The following PCED1A variants were observed in gnomAD, a reference collection of about 807,000 sequenced individuals.
The protein encoded by PCED1A is PC-esterase domain containing 1A.
In PCED1A, 20 loss-of-function variants were observed where a neutral mutation model predicts 41.9. The observed-to-expected ratio is 0.48, with a 90% CI of 0.34 to 0.69. PCED1A has a LOEUF of 0.69. PCED1A is among the 30% of genes least tolerant of loss of function. PCED1A has a pLI of 0.01. For missense variants in PCED1A, 498 were observed against 602.1 expected (o/e 0.83, Z 1.81); for synonymous variants, 236 against 241.3 (o/e 0.98, Z 0.20).
intron 7 of PCED1A, 21 bp downstream of exon 7, chr20:2,836,018 G>A: frequency 2.0e-6 from 3 of 1,469,276 alleles, no homozygotes; most frequent in Admixed American, 2.6e-5. Context: ...AAGAGGGTGG[G>A]GGAGCTGCAG....
Position 2,835,535 on chromosome 20 carries a change from T to C in PCED1A, c.1292A>G (p.His431Arg). ...MGGPCRQRLR[H>R]SERLIHTYKL... is the part of the protein sequence containing the mutation. The stretch of plus-strand genomic sequence containing the variant: ...GTATGTGTGGATCAGTCTCTCTGAG[T>C]GTCTGAGCCGCTGCCTGCAGGGCCC... The change falls in exon 8 of 8, where the codon CAC becomes CGC. Residue 431 changes from histidine (H) to arginine (R), a missense_variant. Transcript: ENST00000360652. 1 of 1,614,022 alleles carries C rather than the reference T, an allele frequency of 6.2e-7. No homozygotes were observed. Among genetic ancestry groups the C allele is most frequent in the Non-Finnish European group, 8.5e-7 (1 of 1,179,964 alleles).
upstream of PCED1A, chr20:2,840,729 A>G: frequency 1.9e-6 from 3 of 1,544,126 alleles, no homozygotes; most frequent in Non-Finnish European, 2.6e-6. Flanking sequence ...AGCCCGCTCT[A>G]GGTGGGTGTC....
At position 2,839,084 on chromosome 20, in the gene PCED1A, T is replaced by TTGGGGGCCCC; in HGVS notation, c.205-3_205-2insGGGGCCCCCA. The TTGGGGGCCCC allele has an allele frequency of 2.8e-6, 2 of 725,284 alleles. No homozygotes were observed. The highest frequency in any genetic ancestry group is 3.8e-6 in the Non-Finnish European group (2 of 522,252). 44.9% of individuals were successfully genotyped at this position (725,284 alleles called of 1,614,324 possible). A position where few individuals can be genotyped will look rare whatever the true frequency, so the allele number is the denominator to read the frequency against. On this transcript the variant is annotated splice_region_variant and splice_polypyrimidine_tract_variant and intron_variant, in intron 3 of 7. Coordinates refer to ENST00000360652, the MANE Select transcript of PCED1A (RefSeq NM_022760.6). ...GTCCTGTTCAAAGCTCAGCTCCCCC[T>TTGGGGGCCCC]ACCCACCCCCCCCACCCTACTGGTC...
At position 2,840,103 on chromosome 20, in the gene PCED1A, C is replaced by T. The variant is rs992911611; in HGVS notation, c.-22+108G>A. The T allele has an allele frequency of 1.5e-5, 9 of 615,704 alleles. No homozygotes were observed. In the Admixed American group the frequency reaches 2.3e-4, roughly 16 times the overall value. The allele number at this position is 615,704 out of a possible 1,614,324, so 38.1% of individuals were successfully genotyped here. ...GTACCAGAGGCAGGGGGTCGTCCAG[C>T]CAGCAGGCCTCCAGGGCACTGGGGA... On this transcript the variant is annotated intron_variant, in intron 1 of 7. Transcript: ENST00000360652.
At chr20:2,840,920 G>T, upstream of PCED1A, 3 of 1,271,392 alleles carry the variant, frequency 2.4e-6, no homozygotes, top group African/African-American at 1.5e-5. Context: ...GTCACTACTG[G>T]CGCTGGGGTC....
At chr20:2,837,152 A>C (rs1198631238) in intron 6 of PCED1A, among the ~76,000 whole-genome samples, 1 of 152,230 alleles carries the variant, frequency 6.6e-6, no homozygotes, top group African/African-American at 2.4e-5. Flanking sequence ...AACTAGCCTT[A>C]CAACCTTCAG....
At position 2,835,707 on chromosome 20, in the gene PCED1A, A is replaced by G. The variant is rs1167926161; in HGVS notation, c.1120T>C (p.Cys374Arg). The change falls in exon 8 of 8, where the codon TGT becomes CGT. Residue 374 changes from cysteine to arginine, a missense_variant and splice_region_variant. Coordinates refer to ENST00000360652, the MANE Select transcript of PCED1A (RefSeq NM_022760.6). ...EDFSMPPHLG[C>R]GPGVNFVPGP... The stretch of plus-strand genomic sequence containing the variant: ...GGCACAAAGTTCACTCCAGGGCCAC[A>G]TCCTACAAAAGAACCAGTCATTATA... 1 of 1,545,236 alleles carries G rather than the reference A, an allele frequency of 6.5e-7. No individual in the cohort carries two copies. The highest frequency in any genetic ancestry group is 1.9e-5 in the Admixed American group (1 of 52,394).
In PCED1A at chr20:2,840,627, G is replaced by A. The variant is rs1263847071; in HGVS notation, c.-438C>T. The A allele has an allele frequency of 2.4e-6, 2 of 849,776 alleles. No homozygotes were observed. The highest frequency in any genetic ancestry group is 3.1e-5 in the South Asian group (2 of 64,696). 52.6% of individuals were successfully genotyped at this position (849,776 alleles called of 1,614,324 possible). A position where few individuals can be genotyped will look rare whatever the true frequency, so the allele number is the denominator to read the frequency against. On this transcript the variant is annotated 5_prime_UTR_variant, in exon 1 of 8. Coordinates refer to ENST00000360652, the MANE Select transcript of PCED1A (RefSeq NM_022760.6). ...CAGGTACGGGCTGGGGTCTCGGGGC[G>A]GCAGCCAAGTGAGGCTGCCCACAGT... is the stretch of plus-strand genomic sequence containing the variant.
intron 6 of PCED1A, among the ~76,000 whole-genome samples, chr20:2,837,809 C>CA (rs1229810453): frequency 1.3e-5 from 2 of 152,176 alleles, no homozygotes; most frequent in Non-Finnish European, 2.9e-5. Context: ...CCCTGTTCCA[C>CA]ACCCTGCCAG....
chr20:2,840,864 AC>A, upstream of PCED1A: 1 of 1,251,312 alleles, frequency 8.0e-7, no homozygotes, highest in Non-Finnish European at 1.1e-6. Context: ...GGCCTGGCTT[AC>A]CCTGCTCGCC....
rs755283617 is a variant in PCED1A at position 2,840,438 on chromosome 20, C to T, written c.-249G>A. 4 of 413,094 alleles carry T rather than the reference C, an allele frequency of 9.7e-6. No individual in the cohort carries two copies. Among genetic ancestry groups the T allele is most frequent in the Non-Finnish European group, 1.7e-5 (4 of 229,360 alleles). 25.6% of individuals were successfully genotyped at this position (413,094 alleles called of 1,614,324 possible). A position where few individuals can be genotyped will look rare whatever the true frequency, so the allele number is the denominator to read the frequency against. The stretch of plus-strand genomic sequence containing the variant: ...AGCGTCGCTGTGGCCCCGACGGCGC[C>T]TCAGGCCTCGGCGCCTCGGGCTGCG... On this transcript the variant is annotated 5_prime_UTR_variant, in exon 1 of 8. Coordinates refer to ENST00000360652, the MANE Select transcript of PCED1A (RefSeq NM_022760.6).
Position 2,838,247 on chromosome 20 carries a change from G to A in PCED1A, c.826C>T (p.Arg276Cys), listed in dbSNP as rs199975004. The change falls in exon 6 of 8, where the codon CGT becomes TGT. Residue 276 changes from arginine to cysteine, a missense_variant. This residue lies in a region of PCED1A where 253 missense variants were observed against 369.7 expected (regional missense o/e 0.68). Transcript: ENST00000360652. The surrounding 1 kb of genome is among the most constrained non-coding windows in gnomAD (Gnocchi z 5.8). Reference protein sequence around the residue: ...ADAWGVELPKRGYPPDPWIED... With the variant: ...ADAWGVELPKCGYPPDPWIED... ...TAGGGCTCACCAGGGGGATAGCCAC[G>A]CTTGGGCAGCTCCACGCCCCAGGCG... 2.0e-4 allele frequency: 320 copies of A among 1,614,056 alleles called. No individual in the cohort carries two copies. Among genetic ancestry groups the A allele is most frequent in the Admixed American group, 2.2e-4 (13 of 60,006 alleles).
upstream of PCED1A, chr20:2,840,762 G>A (rs1461706450): frequency 2.6e-6 from 4 of 1,548,052 alleles, no homozygotes; most frequent in Middle Eastern, 4.5e-4. Flanking sequence ...CCCAGCTGCC[G>A]TCTGCACCAG....
chr20:2,840,149 CT>C, intron 1 of PCED1A, 61 bp downstream of exon 1: 1 of 418,920 alleles, frequency 2.4e-6, no homozygotes, highest in Non-Finnish European at 4.2e-6. Flanking sequence ...CGGCGCCGCC[CT>C]GCGCCTCGCC....
At position 2,840,373 on chromosome 20, in the gene PCED1A, G is replaced by A. The variant is rs556984960; in HGVS notation, c.-184C>T. 4 of 298,758 alleles carry A rather than the reference G, an allele frequency of 1.3e-5. No individual in the cohort carries two copies. Among genetic ancestry groups the A allele is most frequent in the Admixed American group, 1.0e-4 (2 of 19,148 alleles). The allele number at this position is 298,758 out of a possible 1,614,324, so 18.5% of individuals were successfully genotyped here. A position where few individuals can be genotyped will look rare whatever the true frequency, so the allele number is the denominator to read the frequency against. ...CCGCAGAGACCGTGGGTCCAGGTTA[G>A]CCGTCGGTGCACAGCCCAGCGCCCA... On this transcript the variant is annotated 5_prime_UTR_variant, in exon 1 of 8. Coordinates refer to ENST00000360652, the MANE Select transcript of PCED1A (RefSeq NM_022760.6).
chr20:2,835,370 C>T lies in PCED1A; in HGVS notation c.*92G>A. On this transcript the variant is annotated 3_prime_UTR_variant, in exon 8 of 8. Coordinates refer to ENST00000360652, the MANE Select transcript of PCED1A (RefSeq NM_022760.6). ...GTGACAGCAATGGACAAGAACAATA[C>T]CAGGCATAGCAGACACCCTAGCCCA... 1 of 1,451,538 alleles carries T rather than the reference C, an allele frequency of 6.9e-7. No individual in the cohort carries two copies. The highest frequency in any genetic ancestry group is 1.4e-5 in the South Asian group (1 of 69,506). 89.9% of individuals were successfully genotyped at this position (1,451,538 alleles called of 1,614,324 possible). A position where few individuals can be genotyped will look rare whatever the true frequency, so the allele number is the denominator to read the frequency against.
In PCED1A at chr20:2,840,260, C is replaced by A. The variant is rs1208478123; in HGVS notation, c.-71G>T. ...CACCCGCGACCCGGGTATGCCTGCG[C>A]ACCGCGCGCCTGGCCCGCAGCGGGC... On this transcript the variant is annotated 5_prime_UTR_variant, in exon 1 of 8. Transcript: ENST00000360652. The A allele has an allele frequency of 2.4e-5, 6 of 249,100 alleles. No homozygotes were observed. In the South Asian group the frequency reaches 2.9e-4, roughly 12 times the overall value. 15.4% of individuals were successfully genotyped at this position (249,100 alleles called of 1,614,324 possible).
At position 2,838,683 on chromosome 20, in the gene PCED1A, G is replaced by A; in HGVS notation, c.507C>T (p.Asp169=). The change falls in exon 5 of 8, where the codon GAC becomes GAT. Residue 169 remains aspartate, a synonymous_variant. Transcript: ENST00000360652. The surrounding 1 kb of genome is among the most constrained non-coding windows in gnomAD (Gnocchi z 5.8). ...ENLERVFVRM[D]QVLPDSCLLV... is the part of the protein sequence containing the mutation. ...GCAGGCAGGAGTCTGGCAATACTTG[G>A]TCCATGCGCACAAACACCCGCTCCA... The A allele has an allele frequency of 1.9e-6, 3 of 1,614,202 alleles. No individual in the cohort carries two copies. The highest frequency in any genetic ancestry group is 2.5e-6 in the Non-Finnish European group (3 of 1,180,028).
intron 6 of PCED1A, among the ~76,000 whole-genome samples, chr20:2,837,285 G>A (rs1462694437): frequency 6.6e-6 from 1 of 152,186 alleles, no homozygotes; most frequent in Non-Finnish European, 1.5e-5. Context: ...TTACAGGTCT[G>A]TCTCTATGAT....
Sources: gnomAD v4.1 joint callset for allele counts (sites outside exome capture counted in the v4.1 genomes callset) on GRCh38, gnomAD v4.1.1 for gene constraint, gnomAD v4.1.1 regional missense constraint, Gnocchi (gnomAD v3.1) non-coding constraint, MANE v1.5 for transcripts, NCBI Gene and HGNC (gene_info 2026-07-23, HGNC 2026-07-21) for gene names.